The following KIRREL3 variants were observed in gnomAD, a reference collection of about 807,000 sequenced individuals.
The protein encoded by KIRREL3 is kin of IRRE-like protein 3.
In KIRREL3, 36 loss-of-function variants were observed where a neutral mutation model predicts 89.7. The ratio of observed to expected loss-of-function variants is 0.40; its 90% CI spans 0.31 to 0.53. KIRREL3 has a LOEUF of 0.53. Among genes scored for constraint, KIRREL3 ranks in the 20% least tolerant of loss-of-function variants. The pLI is 0.49. For synonymous variants in KIRREL3, 445 were observed against 441.4 expected, an observed-to-expected ratio of 1.01 and a Z score of -0.10; for missense variants, 864 against 1,056.6, an observed-to-expected ratio of 0.82 and a Z score of 2.53.
In KIRREL3 at chr11:126,872,428, G is replaced by A. The variant is rs555645707; in HGVS notation, c.55+128027C>T. ...GGGGTAGCCCTGCTCAGCAAGGAGC[G>A]GCTCCCCTGCTGCTGCTGTATGCTG... On this transcript the variant is annotated intron_variant, in intron 1 of 16. Coordinates refer to ENST00000525144, the MANE Select transcript of KIRREL3 (RefSeq NM_032531.4). This position sits in a 1 kb window ranked among gnomAD's most constrained non-coding sequence, Gnocchi z 4.2. Among the ~76,000 whole-genome samples, 35 of 152,250 alleles carry A rather than the reference G, an allele frequency of 2.3e-4. No homozygotes were observed. Among genetic ancestry groups the A allele is most frequent in the South Asian group, 1.5e-3 (7 of 4,810 alleles).
At chr11:126,662,638 A>T (rs1945458458) in intron 1 of KIRREL3, among the ~76,000 whole-genome samples, 1 of 152,180 alleles carries the variant, frequency 6.6e-6, no homozygotes, top group Non-Finnish European at 1.5e-5. Flanking sequence ...TCATAGCCTG[A>T]TCACCTCTTG....
At chr11:126,660,248 T>C (rs1423247494) in intron 1 of KIRREL3, among the ~76,000 whole-genome samples, 1 of 152,210 alleles carries the variant, frequency 6.6e-6, no homozygotes, top group Non-Finnish European at 1.5e-5. Flanking sequence ...ACTTTTACTC[T>C]ATTTTCTGGC....
rs1950772064 is a variant in KIRREL3, at chr11:126,795,306, C to T, written c.55+205149G>A. Among the ~76,000 whole-genome samples the T allele has an allele frequency of 6.6e-6, 1 of 152,226 alleles. No individual in the cohort carries two copies. Among genetic ancestry groups the T allele is most frequent in the African/African-American group, 2.4e-5 (1 of 41,524 alleles). On this transcript the variant is annotated intron_variant, in intron 1 of 16. Transcript: ENST00000525144. This position sits in a 1 kb window ranked among gnomAD's most constrained non-coding sequence, Gnocchi z 4.1. ...AGATATACTACACTAATGCAAGATG[C>T]TAATAATGGGGGAAACTCAGGGCAG...
In KIRREL3 at chr11:126,929,278, G is replaced by A. The variant is rs561400085; in HGVS notation, c.55+71177C>T. Among the ~76,000 whole-genome samples the A allele has an allele frequency of 2.2e-4, 33 of 152,208 alleles. No homozygotes were observed. In the South Asian group the frequency reaches 6.9e-3, roughly 32 times the overall value. ...TCATAGTGTAGGGATGAGTCCCAGA[G>A]CCTCCTCCCAGGTCCAAAATGTAGC... On this transcript the variant is annotated intron_variant, in intron 1 of 16. Transcript: ENST00000525144.
rs894928146 is a variant in KIRREL3, at chr11:126,609,882, C to T, written c.56-46970G>A. ...CAACAGCAGCTAACATTAATAGAAC[C>T]TGATGATGCGATAGGCACCGAGATA... is the stretch of plus-strand genomic sequence containing the variant. On this transcript the variant is annotated intron_variant, in intron 1 of 16. Coordinates refer to ENST00000525144, the MANE Select transcript of KIRREL3 (RefSeq NM_032531.4). The surrounding 1 kb of genome is among the most constrained non-coding windows in gnomAD (Gnocchi z 5.0). Among the ~76,000 whole-genome samples the T allele has an allele frequency of 3.3e-5, 5 of 152,116 alleles. No individual in the cohort carries two copies. The highest frequency in any genetic ancestry group is 1.2e-4 in the African/African-American group (5 of 41,400).
At chr11:126,599,346 A>G (rs1379148762) in intron 1 of KIRREL3, among the ~76,000 whole-genome samples, 2 of 152,102 alleles carry the variant, frequency 1.3e-5, no homozygotes, top group African/African-American at 4.8e-5. Flanking sequence ...ACTCTCTCTG[A>G]GGCAGGCACG....
At chr11:126,713,812 G>A (rs572544203) in intron 1 of KIRREL3, among the ~76,000 whole-genome samples, 2 of 152,260 alleles carry the variant, frequency 1.3e-5, no homozygotes, top group South Asian at 2.1e-4. Context: ...GCTGACGGGC[G>A]AGGAGGAAAT....
intron 1 of KIRREL3, among the ~76,000 whole-genome samples, chr11:126,855,353 T>G (rs112856814): frequency 0.013 from 1,977 of 152,258 alleles, 44 homozygotes; most frequent in African/African-American, 0.045. Context: ...TCTCTCTTCC[T>G]CCTTCTCCAG....
At position 126,830,891 on chromosome 11, in the gene KIRREL3, G is replaced by A. The variant is rs1318220225; in HGVS notation, c.55+169564C>T. ...AAAAAGATCACATAATTACCAAGAT[G>A]TTGCTTTATGGGCAAGGGGTACGGC... On this transcript the variant is annotated intron_variant, in intron 1 of 16. Transcript: ENST00000525144. The surrounding 1 kb of genome is among the most constrained non-coding windows in gnomAD (Gnocchi z 4.9). 6.6e-6 allele frequency among the ~76,000 whole-genome samples: 1 copy of A among 152,142 alleles called. No homozygotes were observed.
At chr11:126,613,923 G>T (rs1338854926) in intron 1 of KIRREL3, among the ~76,000 whole-genome samples, 1 of 126,138 alleles carries the variant, frequency 7.9e-6, no homozygotes, top group Non-Finnish European at 1.6e-5. Context: ...TTATCTAGCA[G>T]GGGAGTGAAC....
At position 126,562,968 on chromosome 11, in the gene KIRREL3, G is replaced by T; in HGVS notation, c.56-56C>A. 7.3e-7 allele frequency: 1 copy of T among 1,378,654 alleles called. No homozygotes were observed. The highest frequency in any genetic ancestry group is 1.0e-6 in the Non-Finnish European group (1 of 971,012). 85.4% of individuals were successfully genotyped at this position (1,378,654 alleles called of 1,614,324 possible). A position where few individuals can be genotyped will look rare whatever the true frequency, so the allele number is the denominator to read the frequency against. On this transcript the variant is annotated intron_variant, in intron 1 of 16. Transcript: ENST00000525144. The surrounding 1 kb of genome is among the most constrained non-coding windows in gnomAD (Gnocchi z 4.7). ...GAATGGGAACAGGTCAGGCATTGTT[G>T]GGGGGCCCTCTGCAGGGGGCTGTGG...
chr11:126,646,761 C>A (rs896764078), intron 1 of KIRREL3, among the ~76,000 whole-genome samples: 1 of 152,150 alleles, frequency 6.6e-6, no homozygotes, highest in Non-Finnish European at 1.5e-5. Context: ...AGGAGTGAGC[C>A]ACTGCGCCCG....
In KIRREL3 at chr11:126,454,053, A is replaced by G. The variant is rs1426781190; in HGVS notation, c.848+2296T>C. On this transcript the variant is annotated intron_variant, in intron 7 of 16. Coordinates refer to ENST00000525144, the MANE Select transcript of KIRREL3 (RefSeq NM_032531.4). This position sits in a 1 kb window ranked among gnomAD's most constrained non-coding sequence, Gnocchi z 5.8. Reference sequence around the variant, plus strand: ...CAAAAAACAAACTTCGGAATTACAGAAAAGTTGTAAGAATAGTCCCATTAA... The same window carrying G: ...CAAAAAACAAACTTCGGAATTACAGGAAAGTTGTAAGAATAGTCCCATTAA... 6.6e-6 allele frequency among the ~76,000 whole-genome samples: 1 copy of G among 151,840 alleles called. No homozygotes were observed. Among genetic ancestry groups the G allele is most frequent in the Non-Finnish European group, 1.5e-5 (1 of 67,982 alleles).
rs984193798 is a variant in KIRREL3, at chr11:126,890,384, G to A, written c.55+110071C>T. On this transcript the variant is annotated intron_variant, in intron 1 of 16. Transcript: ENST00000525144. This position sits in a 1 kb window ranked among gnomAD's most constrained non-coding sequence, Gnocchi z 5.1. ...GGGCTCAGAGACTGAGCAGTCCTGC[G>A]TGCTCCTGTGGTGGCCTAATGTGAC... Among the ~76,000 whole-genome samples the A allele has an allele frequency of 2.6e-5, 4 of 152,206 alleles. No individual in the cohort carries two copies. Among genetic ancestry groups the A allele is most frequent in the Admixed American group, 1.3e-4 (2 of 15,280 alleles).
intron 1 of KIRREL3, among the ~76,000 whole-genome samples, chr11:126,921,789 CTATCTTCCTAT>C (rs1947326390): frequency 6.6e-6 from 1 of 151,318 alleles, no homozygotes; most frequent in Non-Finnish European, 1.5e-5. Context: ...ATCTATCTAT[CTATCTTCCTAT>C]CTATCCATCC....
At chr11:126,958,064 T>C (rs1948975461) in intron 1 of KIRREL3, among the ~76,000 whole-genome samples, 1 of 152,210 alleles carries the variant, frequency 6.6e-6, no homozygotes, top group African/African-American at 2.4e-5. Context: ...AATTGTAGCT[T>C]TGTTGCACTA....
chr11:126,699,262 T>TC (rs1284718756), intron 1 of KIRREL3, among the ~76,000 whole-genome samples: 1 of 152,176 alleles, frequency 6.6e-6, no homozygotes, highest in African/African-American at 2.4e-5. Flanking sequence ...CAGCTTGTCC[T>TC]CACATAGCCT....
chr11:126,806,828 C>T lies in KIRREL3; in HGVS notation c.55+193627G>A, dbSNP rs557407768. 3.3e-5 allele frequency among the ~76,000 whole-genome samples: 5 copies of T among 151,870 alleles called. No homozygotes were observed. In the South Asian group the frequency reaches 1.0e-3, roughly 32 times the overall value. On this transcript the variant is annotated intron_variant, in intron 1 of 16. Coordinates refer to ENST00000525144, the MANE Select transcript of KIRREL3 (RefSeq NM_032531.4). ...TAGGTATTTGTCCTAATGCTCTCCTCCCCTTGCCCCCCACCCCCAACAGGC... is the reference window on the plus strand; with the variant it reads ...TAGGTATTTGTCCTAATGCTCTCCTTCCCTTGCCCCCCACCCCCAACAGGC...
rs921718375 is a variant in KIRREL3 at position 126,551,925 on chromosome 11, C to T, written c.133+10910G>A. Among the ~76,000 whole-genome samples, 2 of 152,186 alleles carry T rather than the reference C, an allele frequency of 1.3e-5. No individual in the cohort carries two copies. The highest frequency in any genetic ancestry group is 6.5e-5 in the Admixed American group (1 of 15,286). Reference sequence around the variant, plus strand: ...CCTCCCAAAGTGCTGGGATTACAGGCGTGAGCCACTGTGCCCAGCCTGCAG... The same window carrying T: ...CCTCCCAAAGTGCTGGGATTACAGGTGTGAGCCACTGTGCCCAGCCTGCAG... On this transcript the variant is annotated intron_variant, in intron 2 of 16. Coordinates refer to ENST00000525144, the MANE Select transcript of KIRREL3 (RefSeq NM_032531.4). This position sits in a 1 kb window ranked among gnomAD's most constrained non-coding sequence, Gnocchi z 4.9.
Sources: gnomAD v4.1 joint callset for allele counts (sites outside exome capture counted in the v4.1 genomes callset) on GRCh38, gnomAD v4.1.1 for gene constraint, Gnocchi (gnomAD v3.1) non-coding constraint, MANE v1.5 for transcripts, NCBI Gene and HGNC (gene_info 2026-07-23, HGNC 2026-07-21) for gene names.